Variants in NPC1 observed in about 807,000 individuals in gnomAD.
NPC1 encodes the protein Niemann-Pick C1 protein.
In NPC1, 85 loss-of-function variants were observed where a neutral mutation model predicts 140.4. The observed-to-expected ratio is 0.61, with a 90% CI of 0.51 to 0.72. NPC1 has a LOEUF of 0.72. Among genes scored for constraint, NPC1 ranks in the 30% least tolerant of loss-of-function variants. NPC1 has a pLI of 0.00. For synonymous variants in NPC1, 656 were observed against 624.8 expected (o/e 1.05, Z -0.74); for missense variants, 1,504 against 1,623.8 (o/e 0.93, Z 1.27).
At chr18:23,529,512 C>T (rs2058419490), downstream of NPC1, 4 of 1,252,208 alleles carry the variant, frequency 3.2e-6, no homozygotes, top group Non-Finnish European at 4.6e-6. Flanking sequence ...GTGTGCAAAA[C>T]CAGTGAAAGA....
chr18:23,553,504 G>T (rs2058904389), intron 9 of NPC1, among the ~76,000 whole-genome samples: 1 of 152,160 alleles, frequency 6.6e-6, no homozygotes, highest in African/African-American at 2.4e-5. Context: ...CAAACAAACA[G>T]AACTCAAGGT....
At chr18:23,543,674 G>A in intron 13 of NPC1, 105 bp from the exon 14 acceptor site, 1 of 716,732 alleles carries the variant, frequency 1.4e-6, no homozygotes, top group Non-Finnish European at 2.4e-6. Flanking sequence ...ATGATTAGTA[G>A]ACGATTAGCA....
intron 1 of NPC1, among the ~76,000 whole-genome samples, chr18:23,585,347 T>C (rs914427702): frequency 8.5e-5 from 13 of 152,176 alleles, no homozygotes; most frequent in African/African-American, 3.1e-4. Flanking sequence ...TCCTGGCTCT[T>C]AGTCCATTAT....
chr18:23,511,579 C>G (rs1385923787), intron 3 of NPC1, among the ~76,000 whole-genome samples: 1 of 151,856 alleles, frequency 6.6e-6, no homozygotes, highest in Non-Finnish European at 1.5e-5. Flanking sequence ...GTGCATATTC[C>G]TCTATTTTTA....
At chr18:23,570,632 C>T (rs1165807672) in intron 3 of NPC1, among the ~76,000 whole-genome samples, 2 of 152,176 alleles carry the variant, frequency 1.3e-5, no homozygotes, top group Non-Finnish European at 2.9e-5. Context: ...TTAATATTTG[C>T]TTCCCAAACA....
chr18:23,544,943 A>AACCCCC lies in NPC1; in HGVS notation c.1947+16_1947+17insGGGGGT, dbSNP rs2058763448. ...GCTGTTAACCTCTAGAACATACACC[A>AACCCCC]CCCCCCCCCGGCTTACCAGAAGCCT... On this transcript the variant is annotated intron_variant, in intron 12 of 24. Coordinates refer to ENST00000269228, the MANE Select transcript of NPC1 (RefSeq NM_000271.5). 1.3e-4 allele frequency: 140 copies of AACCCCC among 1,042,056 alleles called. 3 individuals carry two copies. Among genetic ancestry groups the AACCCCC allele is most frequent in the Admixed American group, 2.2e-4 (10 of 45,630 alleles). The allele number at this position is 1,042,056 out of a possible 1,614,324, so 64.6% of individuals were successfully genotyped here.
intron 4 of NPC1, 78 bp downstream of exon 4, chr18:23,568,745 C>T: frequency 1.7e-6 from 2 of 1,172,554 alleles, no homozygotes; most frequent in Non-Finnish European, 2.6e-6. Flanking sequence ...CCAGAGTTGA[C>T]AGGACAACTA....
intron 24 of NPC1, chr18:23,532,955 A>G (rs998013636): frequency 1.0e-6 from 1 of 985,200 alleles, no homozygotes; most frequent in Non-Finnish European, 1.2e-6. Context: ...GCACTTTGCT[A>G]AGAAACGGGA....
In NPC1 at chr18:23,551,724, A is replaced by G. The variant is rs546384677; in HGVS notation, c.1557T>C (p.Ala519=). The stretch of plus-strand genomic sequence containing the variant: ...AACTTGTATCATTCAGAGAGGCAGG[A>G]GCCCTGCCAAAAAGTTTAGAAAACA... The part of the protein sequence containing the change: ...YHTHFLYCVR[A]PASLNDTSLL... Residue 519 remains alanine (A), a synonymous_variant, in exon 10 of 25, where the codon GCT becomes GCC. Coordinates refer to ENST00000269228, the MANE Select transcript of NPC1 (RefSeq NM_000271.5). 1 of 1,613,340 alleles carries G rather than the reference A, an allele frequency of 6.2e-7. No individual in the cohort carries two copies. The highest frequency in any genetic ancestry group is 1.3e-5 in the African/African-American group (1 of 75,042).
chr18:23,524,448 C>T (rs973383045), downstream of NPC1: 1 of 1,614,068 alleles, frequency 6.2e-7, no homozygotes, highest in Non-Finnish European at 8.5e-7. Context: ...CTTGGATTGT[C>T]TTTCAACCTG....
chr18:23,546,120 G>A (rs1318530778), intron 11 of NPC1, among the ~76,000 whole-genome samples: 3 of 151,432 alleles, frequency 2.0e-5, no homozygotes, highest in East Asian at 1.9e-4. Flanking sequence ...GTGGTGGAAG[G>A]TGCCTGTAAT....
At chr18:23,578,616 C>A (rs1461483260) in intron 1 of NPC1, among the ~76,000 whole-genome samples, 1 of 152,174 alleles carries the variant, frequency 6.6e-6, no homozygotes, top group Non-Finnish European at 1.5e-5. Flanking sequence ...TTAACCTCAT[C>A]TCTCTCTCAG....
Position 23,535,639 on chromosome 18 carries a change from C to T in NPC1, c.3307G>A (p.Gly1103Ser), listed in dbSNP as rs1317076046. The change falls in exon 22 of 25, where the codon GGT (glycine) becomes AGT (serine). Residue 1103 changes from glycine (G) to serine (S), a missense_variant. Gly to Ser is a moderately conservative substitution (Grantham distance 56). Coordinates refer to ENST00000269228, the MANE Select transcript of NPC1 (RefSeq NM_000271.5). ...AGAAATATCGCGCCCAGGGACACAC[C>T]GAGGTTGAAGATAGTGTCGTCAATG... ...TIIDDTIFNL[G>S]VSLGAIFLVT... 18 of 1,613,926 alleles carry T rather than the reference C, an allele frequency of 1.1e-5. No homozygotes were observed. Among genetic ancestry groups the T allele is most frequent in the Non-Finnish European group, 1.4e-5 (17 of 1,180,018 alleles).
intron 1 of NPC1, among the ~76,000 whole-genome samples, chr18:23,576,155 C>T (rs1158434274): frequency 6.6e-6 from 1 of 152,020 alleles, no homozygotes; most frequent in Admixed American, 6.6e-5. Flanking sequence ...ACCCGAGAGG[C>T]GGAGGTTGTG....
chr18:23,510,261 GT>G (rs2057817582), intron 3 of NPC1, among the ~76,000 whole-genome samples: 1 of 151,562 alleles, frequency 6.6e-6, no homozygotes, highest in Non-Finnish European at 1.5e-5. Flanking sequence ...GAGGCAGGAG[GT>G]TGCAGTGAGC....
intron 10 of NPC1, 54 bp downstream of exon 10, chr18:23,551,573 A>C: frequency 7.4e-7 from 1 of 1,349,082 alleles, no homozygotes. Context: ...GATGCTAATG[A>C]CAAAACCGAG....
intron 9 of NPC1, among the ~76,000 whole-genome samples, chr18:23,553,012 A>G (rs2058896019): frequency 6.6e-6 from 1 of 152,204 alleles, no homozygotes. Context: ...CCTCAGGTGA[A>G]AAAGTCCAGG....
At chr18:23,549,859 A>G (rs1375585171) in intron 10 of NPC1, among the ~76,000 whole-genome samples, 2 of 151,410 alleles carry the variant, frequency 1.3e-5, no homozygotes, top group Non-Finnish European at 2.9e-5. Context: ...CTCCTGCCTC[A>G]GTCTCCCGAG....
chr18:23,514,713 G>A (rs1021985043), intron 3 of NPC1, among the ~76,000 whole-genome samples: 8 of 152,208 alleles, frequency 5.3e-5, no homozygotes, highest in Admixed American at 3.9e-4. Context: ...TTAAAAGTCT[G>A]TCTTTCTGTT....
Sources: allele counts gnomAD v4.1 joint callset (sites outside exome capture counted in the v4.1 genomes callset), GRCh38; gene constraint gnomAD v4.1.1; transcripts MANE v1.5; gene names NCBI Gene and HGNC (gene_info 2026-07-23, HGNC 2026-07-21).